DPH6: variants seen among roughly 807,000 people sequenced by gnomAD.
DPH6 encodes the protein diphthine--ammonia ligase.
In DPH6, 33 loss-of-function variants were observed where a neutral mutation model predicts 38.2. The ratio of observed to expected loss-of-function variants is 0.86; its 90% CI spans 0.65 to 1.15. The LOEUF is 1.15. Ranked by LOEUF, DPH6 falls within the 50% of genes most tolerant of loss-of-function variation. The probability of loss-of-function intolerance (pLI) is 0.00; values close to 1 mark genes in which losing one functional copy is unlikely to be tolerated. For synonymous variants in DPH6, 108 were observed against 103.0 expected (o/e 1.05, Z -0.30); for missense variants, 325 against 320.0 (o/e 1.02, Z -0.12).
At chr15:35,499,672 C>T (rs1268831403) in intron 3 of DPH6, among the ~76,000 whole-genome samples, 2 of 152,158 alleles carry the variant, frequency 1.3e-5, no homozygotes, top group African/African-American at 2.4e-5. Context: ...ATCATTAGGA[C>T]ACCAACAAAT....
chr15:35,293,697 G>T (rs545702509), intron 3 of DPH6, among the ~76,000 whole-genome samples: 57 of 152,312 alleles, frequency 3.7e-4, no homozygotes, highest in Non-Finnish European at 6.6e-4. Flanking sequence ...GGGAAAAATT[G>T]CTTCTGAAAT....
At chr15:35,320,801 T>C (rs951335843) in intron 3 of DPH6, among the ~76,000 whole-genome samples, 2 of 152,132 alleles carry the variant, frequency 1.3e-5, no homozygotes, top group African/African-American at 2.4e-5. Context: ...TGCTATAGAT[T>C]TATTATTATT....
At chr15:35,492,240 T>C (rs1220443393) in intron 3 of DPH6, among the ~76,000 whole-genome samples, 3 of 152,134 alleles carry the variant, frequency 2.0e-5, no homozygotes, top group African/African-American at 7.2e-5. Context: ...GGGAGGGCAA[T>C]GTGCTTTACT....
chr15:35,542,239 A>T (rs1328997450), intron 2 of DPH6, among the ~76,000 whole-genome samples, 174 bp downstream of exon 2: 1 of 152,192 alleles, frequency 6.6e-6, no homozygotes, highest in African/African-American at 2.4e-5. Flanking sequence ...ATGAGAATTA[A>T]AAAGTAAGTG....
chr15:35,467,599 C>A (rs1049480965), intron 3 of DPH6, among the ~76,000 whole-genome samples: 1 of 152,054 alleles, frequency 6.6e-6, no homozygotes, highest in Non-Finnish European at 1.5e-5. Context: ...ACAAAAAAAA[C>A]TAAGACACAA....
chr15:35,157,855 C>T, the DPH6 span, among the ~76,000 whole-genome samples: 5 of 151,730 alleles, frequency 3.3e-5, no homozygotes, highest in Non-Finnish European at 5.9e-5. Context: ...GAAAGAAAGC[C>T]TAGCTTTTAA....
At chr15:35,400,980 G>C (rs909522824) in intron 6 of DPH6, 18 of 977,756 alleles carry the variant, frequency 1.8e-5, no homozygotes, top group Admixed American at 1.2e-4. Context: ...TCAAAGACCA[G>C]GTGCCCACTC....
chr15:35,218,918 C>G (rs1420209416), exon 4 of DPH6: 2 of 152,032 alleles, frequency 1.3e-5, no homozygotes, highest in Non-Finnish European at 1.5e-5. Context: ...ATGAAAGTCA[C>G]TAGAATTGTT....
At chr15:35,196,340 C>T in the DPH6 span, among the ~76,000 whole-genome samples, 1 of 152,046 alleles carries the variant, frequency 6.6e-6, no homozygotes, top group Admixed American at 6.5e-5. Context: ...CAATAATAAT[C>T]ATTTATTTAA....
intron 3 of DPH6, among the ~76,000 whole-genome samples, chr15:35,268,519 C>A (rs1442696923): frequency 4.6e-5 from 7 of 150,812 alleles, no homozygotes; most frequent in African/African-American, 1.7e-4. Context: ...TGTGAGTTTG[C>A]AGCTCTAAAA....
chr15:35,303,874 A>G (rs1441311652), intron 3 of DPH6, among the ~76,000 whole-genome samples: 1 of 149,932 alleles, frequency 6.7e-6, no homozygotes, highest in Non-Finnish European at 1.5e-5. Flanking sequence ...TTTTTTTTTC[A>G]TTTATACTCT....
the DPH6 span, among the ~76,000 whole-genome samples, chr15:35,206,363 A>C: frequency 6.6e-6 from 1 of 152,158 alleles, no homozygotes; most frequent in East Asian, 1.9e-4. Context: ...CCTTATGTCC[A>C]CAGTTATATT....
Position 35,325,045 on chromosome 15 carries a change from G to A in DPH6, n.200+48476C>T, listed in dbSNP as rs137903334. On this transcript the variant is annotated intron_variant and non_coding_transcript_variant, in intron 3 of 3. Coordinates refer to the DPH6 transcript ENST00000560386. ...ACAATAAGATGGAAAAAGTACAGGA[G>A]TTTGTTACATTTGGTGCCCTTGATT... is the stretch of plus-strand genomic sequence containing the variant. Among the ~76,000 whole-genome samples, 4 of 152,252 alleles carry A rather than the reference G, an allele frequency of 2.6e-5. No homozygotes were observed. In the East Asian group the frequency reaches 7.7e-4, roughly 29 times the overall value.
At chr15:35,175,380 C>T in the DPH6 span, among the ~76,000 whole-genome samples, 1 of 152,202 alleles carries the variant, frequency 6.6e-6, no homozygotes, top group Non-Finnish European at 1.5e-5. Flanking sequence ...AAGCATTTTT[C>T]ACAGCAACAG....
chr15:35,527,386 C>T (rs1398948876), intron 3 of DPH6, among the ~76,000 whole-genome samples: 2 of 152,012 alleles, frequency 1.3e-5, no homozygotes, highest in African/African-American at 4.8e-5. Flanking sequence ...TAACACAATG[C>T]CTATTATAGT....
intron 5 of DPH6, among the ~76,000 whole-genome samples, chr15:35,431,690 A>G (rs2053634048): frequency 6.6e-6 from 1 of 152,234 alleles, no homozygotes. Flanking sequence ...TGTTGATGTT[A>G]GACATAAATT....
chr15:35,401,446 G>A lies in DPH6; in HGVS notation c.567+9389C>T, dbSNP rs2053217869. The A allele has an allele frequency of 3.9e-6, 3 of 774,248 alleles. No individual in the cohort carries two copies. In the African/African-American group the frequency reaches 5.1e-5, roughly 13 times the overall value. 48.0% of individuals were successfully genotyped at this position (774,248 alleles called of 1,614,324 possible). A position where few individuals can be genotyped will look rare whatever the true frequency, so the allele number is the denominator to read the frequency against. ...CCCTGGTTATTCTGGAGGAAGCAGG[G>A]GCTATGGAAGTGGTGGACAGGGTTA... On this transcript the variant is annotated intron_variant, in intron 6 of 8. Coordinates refer to ENST00000256538, the MANE Select transcript of DPH6 (RefSeq NM_080650.4).
chr15:35,406,202 G>T (rs1457578959), intron 6 of DPH6, among the ~76,000 whole-genome samples: 1 of 151,912 alleles, frequency 6.6e-6, no homozygotes, highest in Admixed American at 6.6e-5. Flanking sequence ...AGTGACAAAG[G>T]GATAATGCAT....
At chr15:35,210,515 C>A in the DPH6 span, among the ~76,000 whole-genome samples, 2 of 151,950 alleles carry the variant, frequency 1.3e-5, no homozygotes, top group African/African-American at 4.8e-5. Context: ...TTTTAGAGGG[C>A]AAAATTAATA....
Sources: allele counts gnomAD v4.1 joint callset (sites outside exome capture counted in the v4.1 genomes callset), GRCh38; gene constraint gnomAD v4.1.1; transcripts MANE v1.5; gene names NCBI Gene and HGNC (gene_info 2026-07-23, HGNC 2026-07-21).